The following MGAT5 variants were observed in gnomAD, a reference collection of about 807,000 sequenced individuals.
MGAT5 encodes alpha-1,6-mannosylglycoprotein 6-beta-N-acetylglucosaminyltransferase A.
Under a neutral mutation model 94.3 loss-of-function variants are expected in MGAT5, and 30 were observed. The observed-to-expected ratio is 0.32, with a 90% CI of 0.24 to 0.43. The LOEUF (loss-of-function observed/expected upper bound fraction) is 0.43. Among genes scored for constraint, MGAT5 ranks in the 20% least tolerant of loss-of-function variants. The probability of loss-of-function intolerance (pLI) is 1.00; values close to 1 mark genes in which losing one functional copy is unlikely to be tolerated. For synonymous variants in MGAT5, 310 were observed against 322.9 expected (o/e 0.96, Z 0.43); for missense variants, 691 against 905.5 (o/e 0.76, Z 3.04).
At chr2:134,332,362 T>C in intron 4 of MGAT5, among the ~76,000 whole-genome samples, 1 of 150,588 alleles carries the variant, frequency 6.6e-6, no homozygotes, top group Non-Finnish European at 1.5e-5. Context: ...TAATAAATGG[T>C]GCTGGGAAAA....
At chr2:134,157,802 G>T (rs562589047) in intron 1 of MGAT5, among the ~76,000 whole-genome samples, 1 of 152,126 alleles carries the variant, frequency 6.6e-6, no homozygotes, top group South Asian at 2.1e-4. Context: ...ATCATAAGGG[G>T]CACACAGCCT....
At chr2:134,301,109 A>G (rs1025919220) in intron 2 of MGAT5, among the ~76,000 whole-genome samples, 2 of 152,170 alleles carry the variant, frequency 1.3e-5, no homozygotes, top group Admixed American at 6.6e-5. Context: ...TCAAAATGAA[A>G]TCTTACAGTA....
chr2:134,235,509 A>G (rs1214360407), intron 1 of MGAT5, among the ~76,000 whole-genome samples: 3 of 152,146 alleles, frequency 2.0e-5, no homozygotes, highest in African/African-American at 7.2e-5. Flanking sequence ...GCCACAGAGC[A>G]GAGGAATTGA....
intron 4 of MGAT5, among the ~76,000 whole-genome samples, chr2:134,324,922 C>T (rs932050029): frequency 6.6e-6 from 1 of 151,802 alleles, no homozygotes; most frequent in Non-Finnish European, 1.5e-5. Context: ...TTCACCTTCT[C>T]TGTTCAGCCT....
chr2:134,162,120 G>A (rs1687765119), intron 1 of MGAT5, among the ~76,000 whole-genome samples: 1 of 152,026 alleles, frequency 6.6e-6, no homozygotes, highest in East Asian at 1.9e-4. Flanking sequence ...AATCCAGGAA[G>A]TGGAGGTTGC....
chr2:134,367,171 C>G (rs1363577052), intron 10 of MGAT5, among the ~76,000 whole-genome samples: 7 of 152,196 alleles, frequency 4.6e-5, no homozygotes, highest in African/African-American at 1.7e-4. Context: ...CACCAGCTGC[C>G]TAAGGTTGGG....
rs531412259 is a variant in MGAT5 at position 134,248,343 on chromosome 2, T to C, written c.-142-5919T>C. 2.0e-5 allele frequency among the ~76,000 whole-genome samples: 3 copies of C among 152,306 alleles called. No homozygotes were observed. In the East Asian group the frequency reaches 5.8e-4, roughly 29 times the overall value. ...GTCTTTGGGGGCCTCACAGACCCCATAGGCGAGATGAAACGGGATTGTCCT... is the reference window on the plus strand; with the variant it reads ...GTCTTTGGGGGCCTCACAGACCCCACAGGCGAGATGAAACGGGATTGTCCT... On this transcript the variant is annotated intron_variant, in intron 1 of 16. Coordinates refer to the MGAT5 transcript ENST00000409645.
intron 1 of MGAT5, among the ~76,000 whole-genome samples, chr2:134,164,899 C>G (rs1197043107): frequency 6.6e-6 from 1 of 151,064 alleles, no homozygotes; most frequent in African/African-American, 2.4e-5. Flanking sequence ...AAAAACAAAA[C>G]AAACGTGAGT....
rs142216981 is a variant in MGAT5 at position 134,234,598 on chromosome 2, TCTGAGGC to T, written c.-142-19660_-142-19654del. ...GGCAAGTCACTTAGGCTTTCTGGATTCTGAGGCCTGCTTCTCTCTCACCAGGTGCTTT... is the reference window on the plus strand; with the variant it reads ...GGCAAGTCACTTAGGCTTTCTGGATTCTGCTTCTCTCTCACCAGGTGCTTT... On this transcript the variant is annotated intron_variant, in intron 1 of 16. Coordinates refer to the MGAT5 transcript ENST00000409645. Among the ~76,000 whole-genome samples the T allele has an allele frequency of 4.6e-3, 704 of 152,360 alleles. 18 individuals are homozygous for T. The East Asian group carries it at 0.1, about 22-fold the overall frequency.
chr2:134,154,517 C>T (rs72843944), intron 1 of MGAT5, among the ~76,000 whole-genome samples: 2,849 of 152,306 alleles, frequency 0.019, 29 homozygotes, highest in Non-Finnish European at 0.026. Context: ...TGGTTCCGCC[C>T]GTCCAGGTGT....
At chr2:134,405,244 G>T (rs575600512) in intron 11 of MGAT5, among the ~76,000 whole-genome samples, 10 of 152,386 alleles carry the variant, frequency 6.6e-5, no homozygotes, top group African/African-American at 2.2e-4. Flanking sequence ...AGCAAGGATT[G>T]CAGCCTGAGT....
intron 1 of MGAT5, chr2:134,120,433 G>C (rs1364401762): frequency 3.1e-6 from 1 of 325,168 alleles, no homozygotes; most frequent in Non-Finnish European, 5.6e-6. Flanking sequence ...GCGGTCGGGG[G>C]CTTCCTTCCG....
intron 1 of MGAT5, among the ~76,000 whole-genome samples, chr2:134,164,761 T>G (rs1347203881): frequency 6.6e-6 from 1 of 150,592 alleles, no homozygotes; most frequent in Non-Finnish European, 1.5e-5. Flanking sequence ...GTCCGGAAGG[T>G]TGAGGCTGTT....
intron 12 of MGAT5, among the ~76,000 whole-genome samples, chr2:134,417,906 C>T (rs926909309): frequency 2.0e-5 from 3 of 152,118 alleles, no homozygotes; most frequent in Admixed American, 1.3e-4. Context: ...TTCTGATTCC[C>T]TCATGATTTT....
intron 10 of MGAT5, among the ~76,000 whole-genome samples, chr2:134,378,582 C>T (rs188452417): frequency 1.1e-4 from 17 of 151,038 alleles, no homozygotes; most frequent in African/African-American, 4.1e-4. Flanking sequence ...AATCAGAACA[C>T]TAATCATATA....
intron 1 of MGAT5, among the ~76,000 whole-genome samples, chr2:134,223,914 T>C (rs962815293): frequency 6.6e-6 from 1 of 152,200 alleles, no homozygotes; most frequent in African/African-American, 2.4e-5. Flanking sequence ...GTTATTGAAC[T>C]TATACAGACA....
chr2:134,451,152 T>C lies in MGAT5; in HGVS notation c.*2305T>C, dbSNP rs1279711031. ...GGAAGCTGAAAGGTAACCTTAGCCC[T>C]GCCTTGTGTTCCAAAAGCTGCAAGG... On this transcript the variant is annotated 3_prime_UTR_variant, in exon 16 of 16. Coordinates refer to ENST00000281923, the MANE Select transcript of MGAT5 (RefSeq NM_002410.5). The C allele has an allele frequency of 6.6e-6, 1 of 152,192 alleles. No homozygotes were observed. The highest frequency in any genetic ancestry group is 6.5e-5 in the Admixed American group (1 of 15,280). The allele number at this position is 152,192 out of a possible 1,614,324, so 9.4% of individuals were successfully genotyped here.
intron 4 of MGAT5, among the ~76,000 whole-genome samples, chr2:134,325,179 C>T (rs1317878578): frequency 6.6e-6 from 1 of 152,014 alleles, no homozygotes; most frequent in African/African-American, 2.4e-5. Context: ...CTGGCCTCCA[C>T]TCTACAAAAA....
At chr2:134,169,129 G>C (rs1463423553) in intron 1 of MGAT5, among the ~76,000 whole-genome samples, 1 of 152,130 alleles carries the variant, frequency 6.6e-6, no homozygotes, top group East Asian at 1.9e-4. Flanking sequence ...AGACAATGCA[G>C]GTTTCTGGTA....
Sources: allele counts gnomAD v4.1 joint callset (sites outside exome capture counted in the v4.1 genomes callset), GRCh38; gene constraint gnomAD v4.1.1; transcripts MANE v1.5; gene names NCBI Gene and HGNC (gene_info 2026-07-23, HGNC 2026-07-21).